LHFPL3: variants seen among roughly 807,000 people sequenced by gnomAD.
LHFPL3 encodes the protein LHFPL tetraspan subfamily member 3 protein.
LHFPL3 carries 5 observed loss-of-function variants against 19.3 expected under a neutral mutation model. The observed-to-expected ratio is 0.26, with a 90% CI of 0.14 to 0.54. The LOEUF (loss-of-function observed/expected upper bound fraction) is 0.54. Ranked by LOEUF, LHFPL3 falls within the 20% of genes least tolerant of loss-of-function variation. The pLI is 0.94. For synonymous variants in LHFPL3, 133 were observed against 126.2 expected (o/e 1.05, Z -0.36); for missense variants, 249 against 307.4 (o/e 0.81, Z 1.42).
Position 104,908,022 on chromosome 7 carries a change from A to C in LHFPL3, c.*1807A>C, listed in dbSNP as rs1032987300. Among the ~76,000 whole-genome samples the C allele has an allele frequency of 1.3e-5, 2 of 152,204 alleles. No individual in the cohort carries two copies. The highest frequency in any genetic ancestry group is 4.8e-5 in the African/African-American group (2 of 41,464). ...GCTTTAAGTATTAGCTCCCTACTACATCCATAACACCCTACTTACTAAATT... is the reference window on the plus strand; with the variant it reads ...GCTTTAAGTATTAGCTCCCTACTACCTCCATAACACCCTACTTACTAAATT... On this transcript the variant is annotated 3_prime_UTR_variant, in exon 3 of 3. Transcript: ENST00000424859.
intron 2 of LHFPL3, among the ~76,000 whole-genome samples, chr7:104,812,712 G>A (rs1017552793): frequency 2.1e-5 from 3 of 146,112 alleles, no homozygotes; most frequent in African/African-American, 7.6e-5. Context: ...ACTGAGGCAG[G>A]AGAATCACTT....
chr7:104,509,718 G>T (rs2115764653), intron 1 of LHFPL3, among the ~76,000 whole-genome samples: 1 of 152,068 alleles, frequency 6.6e-6, no homozygotes, highest in African/African-American at 2.4e-5. Context: ...TCAACATAGT[G>T]CCAGAAGCTG....
chr7:104,743,640 T>C (rs1793978433), intron 2 of LHFPL3, among the ~76,000 whole-genome samples: 1 of 152,216 alleles, frequency 6.6e-6, no homozygotes, highest in South Asian at 2.1e-4. Flanking sequence ...TATAACCTTT[T>C]CATTGATCTC....
chr7:104,869,170 C>T (rs1192608390), intron 2 of LHFPL3, among the ~76,000 whole-genome samples: 10 of 152,094 alleles, frequency 6.6e-5, no homozygotes, highest in Admixed American at 1.3e-4. Flanking sequence ...ATTCAGGACA[C>T]AGGCATGGGC....
intron 2 of LHFPL3, among the ~76,000 whole-genome samples, chr7:104,890,715 A>G (rs2116705047): frequency 6.6e-6 from 1 of 152,310 alleles, no homozygotes; most frequent in African/African-American, 2.4e-5. Context: ...TCTTCTGTGG[A>G]TGACACGCCA....
At chr7:104,517,174 G>A (rs181781521) in intron 1 of LHFPL3, among the ~76,000 whole-genome samples, 7 of 152,178 alleles carry the variant, frequency 4.6e-5, no homozygotes, top group Admixed American at 2.6e-4. Flanking sequence ...GAGAAGATCA[G>A]CAAAAATACC....
chr7:104,674,034 T>C (rs925386771), intron 1 of LHFPL3, among the ~76,000 whole-genome samples: 3 of 150,972 alleles, frequency 2.0e-5, no homozygotes, highest in Non-Finnish European at 3.0e-5. Context: ...TTCCAAGACT[T>C]TTCCAGGATC....
At chr7:104,679,800 G>T (rs894667675) in intron 1 of LHFPL3, among the ~76,000 whole-genome samples, 3 of 152,096 alleles carry the variant, frequency 2.0e-5, no homozygotes, top group Admixed American at 1.3e-4. Flanking sequence ...TTTCTACAAG[G>T]CTCATTGTAA....
rs528043823 is a variant in LHFPL3 at position 104,381,945 on chromosome 7, C to T, written c.445+52721C>T. The stretch of plus-strand genomic sequence containing the variant: ...ATATTAGCATAGAAATGCAAACCCT[C>T]ATTCATCATTTGAATTAACCTTAGG... On this transcript the variant is annotated intron_variant, in intron 1 of 2. Coordinates refer to ENST00000424859, the MANE Select transcript of LHFPL3 (RefSeq NM_199000.3). 8.5e-5 allele frequency among the ~76,000 whole-genome samples: 13 copies of T among 152,074 alleles called. No individual in the cohort carries two copies. The East Asian group carries it at 1.2e-3, about 14-fold the overall frequency.
intron 2 of LHFPL3, among the ~76,000 whole-genome samples, chr7:104,857,868 C>T (rs1439256348): frequency 1.3e-5 from 2 of 152,138 alleles, no homozygotes; most frequent in Non-Finnish European, 2.9e-5. Context: ...ACAAGAGCAG[C>T]GGGGAGTTTT....
chr7:104,571,252 C>T (rs1466984437), intron 1 of LHFPL3, among the ~76,000 whole-genome samples: 1 of 152,010 alleles, frequency 6.6e-6, no homozygotes, highest in African/African-American at 2.4e-5. Context: ...ATGAAAAGGC[C>T]ATGAAAAAAT....
chr7:104,417,621 G>GT (rs1205657234), intron 1 of LHFPL3, among the ~76,000 whole-genome samples: 2 of 152,070 alleles, frequency 1.3e-5, no homozygotes, highest in Non-Finnish European at 2.9e-5. Flanking sequence ...TGCTGCCATT[G>GT]TTTTTGCTAA....
intron 1 of LHFPL3, among the ~76,000 whole-genome samples, chr7:104,342,347 G>A (rs1375426088): frequency 2.6e-5 from 4 of 152,038 alleles, no homozygotes; most frequent in African/African-American, 9.7e-5. Context: ...GGAAACTTTA[G>A]GGACTTTTCA....
At chr7:104,520,261 G>A (rs995635092) in intron 1 of LHFPL3, among the ~76,000 whole-genome samples, 95 of 151,504 alleles carry the variant, frequency 6.3e-4, no homozygotes, top group African/African-American at 1.9e-3. Context: ...ATTGATTTGC[G>A]TATATTGAAC....
intron 2 of LHFPL3, among the ~76,000 whole-genome samples, chr7:104,846,637 C>T (rs1791318831): frequency 6.6e-6 from 1 of 152,098 alleles, no homozygotes; most frequent in Admixed American, 6.5e-5. Flanking sequence ...TCCTCCTCTT[C>T]CCATCAAAGC....
chr7:104,700,847 A>G (rs1793088160), intron 1 of LHFPL3, among the ~76,000 whole-genome samples: 1 of 152,072 alleles, frequency 6.6e-6, no homozygotes, highest in African/African-American at 2.4e-5. Context: ...TATTCTGTCC[A>G]ATTGCTTTCT....
intron 1 of LHFPL3, among the ~76,000 whole-genome samples, chr7:104,363,239 A>G (rs1180722432): frequency 2.0e-5 from 3 of 152,266 alleles, no homozygotes; most frequent in Admixed American, 1.3e-4. Flanking sequence ...CTTGGTGGTT[A>G]AAGGCAAGAT....
intron 1 of LHFPL3, among the ~76,000 whole-genome samples, chr7:104,508,498 T>C (rs1195763329): frequency 1.3e-5 from 2 of 148,366 alleles, no homozygotes; most frequent in Non-Finnish European, 3.0e-5. Flanking sequence ...TTGGGAGATA[T>C]ACCTAATGCT....
intron 2 of LHFPL3, among the ~76,000 whole-genome samples, chr7:104,886,894 T>G (rs1380753228): frequency 6.6e-6 from 1 of 152,166 alleles, no homozygotes; most frequent in Non-Finnish European, 1.5e-5. Context: ...AGAAATCACA[T>G]TAAAACTCTT....
Sources: gnomAD v4.1 joint callset for allele counts (sites outside exome capture counted in the v4.1 genomes callset) on GRCh38, gnomAD v4.1.1 for gene constraint, MANE v1.5 for transcripts, NCBI Gene and HGNC (gene_info 2026-07-23, HGNC 2026-07-21) for gene names.